Variants in YWHAB observed in about 807,000 individuals in gnomAD.
YWHAB encodes the protein tyrosine 3-monooxygenase/tryptophan 5-monooxygenase activation protein beta, also known as 14-3-3 protein beta/alpha.
Under a neutral mutation model 28.5 loss-of-function variants are expected in YWHAB, and 2 were observed. The observed-to-expected ratio is 0.07, with a 90% CI of 0.03 to 0.22. YWHAB has a LOEUF of 0.22. Ranked by LOEUF, YWHAB falls within the 10% of genes least tolerant of loss-of-function variation. The probability of loss-of-function intolerance (pLI) is 1.00; values close to 1 mark genes in which losing one functional copy is unlikely to be tolerated. For synonymous variants in YWHAB, 103 were observed against 104.7 expected (o/e 0.98, Z 0.10); for missense variants, 148 against 297.1 (o/e 0.50, Z 3.69).
intron 1 of YWHAB, among the ~76,000 whole-genome samples, chr20:44,898,146 C>A (rs759857100): frequency 6.6e-6 from 1 of 152,184 alleles, no homozygotes; most frequent in Non-Finnish European, 1.5e-5. Context: ...TAGAAGGGAA[C>A]AAATGGAATG....
chr20:44,899,053 A>G (rs2066611937), intron 1 of YWHAB, among the ~76,000 whole-genome samples: 1 of 152,184 alleles, frequency 6.6e-6, no homozygotes, highest in South Asian at 2.1e-4. Context: ...CAGAGGTTGC[A>G]GTGAGCCGAG....
chr20:44,896,349 A>G (rs1601092221), intron 1 of YWHAB, among the ~76,000 whole-genome samples: 1 of 152,166 alleles, frequency 6.6e-6, no homozygotes, highest in Non-Finnish European at 1.5e-5. Flanking sequence ...CATGGAAGGG[A>G]TGGTATCTGA....
chr20:44,897,516 T>G (rs552947201), intron 1 of YWHAB, among the ~76,000 whole-genome samples: 1 of 152,304 alleles, frequency 6.6e-6, no homozygotes, highest in Admixed American at 6.5e-5. Context: ...GTAGGGTTAT[T>G]TAATGATGAA....
At chr20:44,898,239 C>T (rs1404953976) in intron 1 of YWHAB, among the ~76,000 whole-genome samples, 2 of 152,164 alleles carry the variant, frequency 1.3e-5, no homozygotes, top group African/African-American at 4.8e-5. Flanking sequence ...TGAGACTTGC[C>T]TCACTGAGTG....
At chr20:44,892,179 T>G (rs892983494) in intron 1 of YWHAB, among the ~76,000 whole-genome samples, 8 of 152,252 alleles carry the variant, frequency 5.3e-5, no homozygotes. Context: ...TGTGATCAGT[T>G]CCTTACCCCA....
At position 44,906,545 on chromosome 20, in the gene YWHAB, T is replaced by G; in HGVS notation, c.*107T>G. ...AAAAAAAAGAGAATCGTACGTCGACTTTCGATTTTTCACAGCCTCAGCCTA... is the reference window on the plus strand; with the variant it reads ...AAAAAAAAGAGAATCGTACGTCGACGTTCGATTTTTCACAGCCTCAGCCTA... On this transcript the variant is annotated 3_prime_UTR_variant, in exon 6 of 6. Coordinates refer to ENST00000353703, the MANE Select transcript of YWHAB (RefSeq NM_139323.4). 9.8e-7 allele frequency: 1 copy of G among 1,018,152 alleles called. No homozygotes were observed. Among genetic ancestry groups the G allele is most frequent in the African/African-American group, 1.6e-5 (1 of 62,370 alleles). 63.1% of individuals were successfully genotyped at this position (1,018,152 alleles called of 1,614,324 possible).
At chr20:44,889,650 C>T (rs1166311323) in intron 1 of YWHAB, among the ~76,000 whole-genome samples, 1 of 152,100 alleles carries the variant, frequency 6.6e-6, no homozygotes, top group Non-Finnish European at 1.5e-5. Flanking sequence ...ATTATTTGCC[C>T]TCAGCTAAGA....
chr20:44,906,183 C>T (rs1220777088), intron 5 of YWHAB, 87 bp downstream of exon 5: 2 of 1,259,738 alleles, frequency 1.6e-6, no homozygotes, highest in Admixed American at 2.0e-5. Context: ...GGATTTGTAC[C>T]ATTAAATGTA....
intron 1 of YWHAB, among the ~76,000 whole-genome samples, chr20:44,889,089 C>T (rs576542697): frequency 5.3e-5 from 8 of 152,256 alleles, no homozygotes; most frequent in African/African-American, 1.9e-4. Context: ...CTTGTTTCTA[C>T]ATTTTTCTAG....
intron 1 of YWHAB, among the ~76,000 whole-genome samples, chr20:44,892,856 C>G (rs191578900): frequency 6.6e-6 from 1 of 152,150 alleles, no homozygotes. Flanking sequence ...CAGACCCCAC[C>G]GTATATTTTA....
At chr20:44,894,528 TACTA>T (rs779698729) in intron 1 of YWHAB, among the ~76,000 whole-genome samples, 92 of 152,332 alleles carry the variant, frequency 6.0e-4, no homozygotes, top group South Asian at 2.3e-3. Context: ...TAACATAACA[TACTA>T]ACTATCTGTA....
Position 44,901,530 on chromosome 20 carries a change from G to A in YWHAB, c.-3-1G>A, listed in dbSNP as rs777496248. 1.9e-6 allele frequency: 3 copies of A among 1,584,790 alleles called. No homozygotes were observed. Among genetic ancestry groups the A allele is most frequent in the Non-Finnish European group, 2.6e-6 (3 of 1,158,142 alleles). ...TTCTTTTTCTCTTGCTCTTGTTCTA[G>A]GGAATGACAATGGATAAAAGTGAGC... On this transcript the variant is annotated splice_acceptor_variant, in intron 1 of 5. Transcript: ENST00000353703. LOFTEE classifies it low-confidence loss of function (5UTR_SPLICE).
At chr20:44,905,344 C>T (rs755920253) in intron 4 of YWHAB, 154 of 442,488 alleles carry the variant, frequency 3.5e-4, no homozygotes, top group Admixed American at 9.3e-4. Context: ...CTGTTTTTTG[C>T]GGGTGGTTGT....
At chr20:44,894,943 A>C (rs184960523) in intron 1 of YWHAB, among the ~76,000 whole-genome samples, 1 of 152,258 alleles carries the variant, frequency 6.6e-6, no homozygotes, top group African/African-American at 2.4e-5. Context: ...ATTCATTTGC[A>C]TATGAGTTTT....
At chr20:44,894,831 A>G (rs1450644360) in intron 1 of YWHAB, among the ~76,000 whole-genome samples, 1 of 152,246 alleles carries the variant, frequency 6.6e-6, no homozygotes, top group Admixed American at 6.5e-5. Context: ...ATAGTGGCAC[A>G]TTGCGCTGTG....
chr20:44,893,056 A>G (rs745955442), intron 1 of YWHAB, among the ~76,000 whole-genome samples: 37 of 152,128 alleles, frequency 2.4e-4, no homozygotes, highest in Non-Finnish European at 4.9e-4. Context: ...CTGTCTTTGC[A>G]CTGCCTTTAT....
chr20:44,891,154 T>C (rs2066559411), intron 1 of YWHAB, among the ~76,000 whole-genome samples: 2 of 152,128 alleles, frequency 1.3e-5, no homozygotes, highest in Non-Finnish European at 2.9e-5. Flanking sequence ...AGTCTTGCTC[T>C]GTCGCCTAGG....
intron 1 of YWHAB, 32 bp downstream of exon 1, chr20:44,885,918 C>T (rs942122684): frequency 1.3e-5 from 2 of 152,806 alleles, no homozygotes; most frequent in Non-Finnish European, 2.9e-5. Flanking sequence ...ACCGGGGCCC[C>T]CGGGGGCCCA....
At chr20:44,892,332 C>A (rs535552970) in intron 1 of YWHAB, among the ~76,000 whole-genome samples, 1 of 152,106 alleles carries the variant, frequency 6.6e-6, no homozygotes, top group Non-Finnish European at 1.5e-5. Flanking sequence ...CTTTTTAAGT[C>A]ACGACCTAGC....
Sources: gnomAD v4.1 joint callset for allele counts (sites outside exome capture counted in the v4.1 genomes callset) on GRCh38, gnomAD v4.1.1 for gene constraint, MANE v1.5 for transcripts, NCBI Gene and HGNC (gene_info 2026-07-23, HGNC 2026-07-21) for gene names.